Variants in TRPM1 observed in about 807,000 individuals in gnomAD.
TRPM1 encodes the protein TRPM1-203 APA Isoform, Intron 10.
A neutral mutation model predicts 149.4 loss-of-function variants in TRPM1; 113 were observed. That is an observed-to-expected ratio of 0.76 (90% CI 0.65 to 0.88). The LOEUF (loss-of-function observed/expected upper bound fraction) is 0.88, where lower values mean the gene tolerates loss of function less well. Among genes scored for constraint, TRPM1 ranks in the 40% least tolerant of loss-of-function variants. The pLI is 0.00. For missense variants in TRPM1, 1,976 were observed against 2,038.7 expected (o/e 0.97, Z 0.59); for synonymous variants, 741 against 759.5 (o/e 0.98, Z 0.40).
At chr15:31,067,589 G>T (rs866562888) in intron 5 of TRPM1, among the ~76,000 whole-genome samples, 1 of 152,100 alleles carries the variant, frequency 6.6e-6, no homozygotes, top group Non-Finnish European at 1.5e-5. Flanking sequence ...ATTGTCGAGA[G>T]GTCTAATGAA....
chr15:31,144,755 G>A (rs1596100720), intron 1 of TRPM1, among the ~76,000 whole-genome samples: 1 of 115,176 alleles, frequency 8.7e-6, no homozygotes, highest in African/African-American at 3.5e-5. Flanking sequence ...CGCTCTTGTT[G>A]CCCAGGCTGG....
chr15:31,049,381 A>T lies in TRPM1; in HGVS notation c.1566T>A (p.Tyr522Ter), dbSNP rs1485527551. Residue 522 changes from tyrosine to a stop codon, truncating the protein, a stop_gained, in exon 13 of 28, where the codon TAT becomes TAA. Coordinates refer to ENST00000256552, the MANE Select transcript of TRPM1 (RefSeq NM_001252024.2). LOFTEE classifies it high-confidence loss of function. ...FLTIPRLEELYNTRLGPPNTL... is the reference protein window; with the variant it reads ...FLTIPRLEEL ...CTTTTTCTAGAGCACTCACTGTGTT[A>T]TAAAGCTCCTCCAGCCTCGGAATGG... 1 of 1,614,218 alleles carries T rather than the reference A, an allele frequency of 6.2e-7. No individual in the cohort carries two copies. The highest frequency in any genetic ancestry group is 8.5e-7 in the Non-Finnish European group (1 of 1,180,032).
chr15:31,159,186 T>G (rs945184550), intron 1 of TRPM1, among the ~76,000 whole-genome samples: 6 of 152,066 alleles, frequency 3.9e-5, no homozygotes, highest in African/African-American at 1.4e-4. Flanking sequence ...GGAGGTGCTG[T>G]TTTTCAGTCT....
intron 27 of TRPM1, among the ~76,000 whole-genome samples, chr15:31,015,528 G>C (rs2032330271): frequency 1.3e-5 from 2 of 152,086 alleles, no homozygotes; most frequent in African/African-American, 4.8e-5. Context: ...TGCCTCCAAT[G>C]TCTTCTCACT....
At chr15:31,084,052 G>T (rs1448822974) in intron 1 of TRPM1, among the ~76,000 whole-genome samples, 1 of 152,140 alleles carries the variant, frequency 6.6e-6, no homozygotes, top group Admixed American at 6.5e-5. Flanking sequence ...CTGGGCCAGG[G>T]TTCCCTTTCC....
At position 31,029,654 on chromosome 15, in the gene TRPM1, G is replaced by A. The variant is rs189326636; in HGVS notation, c.3128-263C>T. ...ATTTATTTTACCCTGTGTCATAAGC[G>A]AGAGCAAAAGCTCACTAGTTAAAAA... On this transcript the variant is annotated intron_variant, in intron 23 of 27. Coordinates refer to ENST00000256552, the MANE Select transcript of TRPM1 (RefSeq NM_001252024.2). Among the ~76,000 whole-genome samples the A allele has an allele frequency of 4.1e-4, 62 of 152,176 alleles. 1 individual carries two copies. In the Middle Eastern group the frequency reaches 0.014, roughly 33 times the overall value.
At chr15:31,117,596 C>A (rs1313481668) in intron 1 of TRPM1, among the ~76,000 whole-genome samples, 1 of 150,464 alleles carries the variant, frequency 6.6e-6, no homozygotes, top group Non-Finnish European at 1.5e-5. Flanking sequence ...TGCAGTGAGC[C>A]GAGATCACTT....
intron 1 of TRPM1, among the ~76,000 whole-genome samples, chr15:31,135,138 G>C (rs575044151): frequency 8.5e-4 from 129 of 152,272 alleles, no homozygotes; most frequent in African/African-American, 3.1e-3. Flanking sequence ...AACTCATGAA[G>C]GGTGAAGGAG....
intron 11 of TRPM1, among the ~76,000 whole-genome samples, chr15:31,056,382 A>G (rs953487565): frequency 6.6e-6 from 1 of 152,224 alleles, no homozygotes; most frequent in East Asian, 1.9e-4. Context: ...TTCTCTATAC[A>G]CTTCTATTTT....
intron 23 of TRPM1, among the ~76,000 whole-genome samples, chr15:31,030,043 A>G (rs572281817): frequency 6.6e-5 from 10 of 152,304 alleles, no homozygotes; most frequent in African/African-American, 2.2e-4. Flanking sequence ...ACACACTTCA[A>G]TAGTTGACTT....
At chr15:31,068,342 A>C (rs1215862386) in intron 4 of TRPM1, among the ~76,000 whole-genome samples, 3 of 152,184 alleles carry the variant, frequency 2.0e-5, no homozygotes, top group African/African-American at 7.2e-5. Context: ...CCTAAAATTC[A>C]CGTGGAAACC....
intron 1 of TRPM1, among the ~76,000 whole-genome samples, chr15:31,148,407 GC>G (rs1317902273): frequency 2.0e-5 from 3 of 152,208 alleles, no homozygotes; most frequent in African/African-American, 7.2e-5. Context: ...GCTGCACCCT[GC>G]GTTGTGTAGG....
At chr15:31,027,441 T>C (rs1279038355) in intron 25 of TRPM1, among the ~76,000 whole-genome samples, 2 of 152,246 alleles carry the variant, frequency 1.3e-5, no homozygotes, top group South Asian at 2.1e-4. Context: ...ACTAAATGCT[T>C]TCACATGTTT....
In TRPM1 at chr15:31,084,740, C is replaced by G. The variant is rs866978713; in HGVS notation, c.-83-3302G>C. Among the ~76,000 whole-genome samples the G allele has an allele frequency of 3.5e-4, 51 of 146,566 alleles. 2 individuals carry two copies. The Middle Eastern group carries it at 0.011, about 31-fold the overall frequency. The stretch of plus-strand genomic sequence containing the variant: ...CTAGGCTGGAGTGCAGTGGCGCGAT[C>G]TTGGCTCACTGCAAACTCCACCTCC... On this transcript the variant is annotated intron_variant, in intron 1 of 27. Transcript: ENST00000256552.
At chr15:31,085,484 A>G (rs926935261) in intron 1 of TRPM1, among the ~76,000 whole-genome samples, 7 of 152,222 alleles carry the variant, frequency 4.6e-5, no homozygotes, top group East Asian at 1.9e-4. Context: ...GATTTTGTCA[A>G]CATTGTCGGG....
intron 17 of TRPM1, among the ~76,000 whole-genome samples, chr15:31,041,586 G>C (rs896824771): frequency 2.0e-5 from 3 of 152,192 alleles, no homozygotes; most frequent in Admixed American, 2.0e-4. Flanking sequence ...AAACACCTGT[G>C]AAGGTCACAG....
At chr15:31,012,017 T>C (rs2032203716) in intron 27 of TRPM1, among the ~76,000 whole-genome samples, 1 of 152,156 alleles carries the variant, frequency 6.6e-6, no homozygotes, top group South Asian at 2.1e-4. Context: ...TAAAGCTCCA[T>C]CCTCCCCCCA....
intron 3 of TRPM1, among the ~76,000 whole-genome samples, chr15:31,075,284 A>T (rs1011953773): frequency 6.6e-6 from 1 of 152,166 alleles, no homozygotes; most frequent in Non-Finnish European, 1.5e-5. Flanking sequence ...GAAGTCTCCA[A>T]CTGTCATGTT....
At chr15:31,126,815 G>C (rs2035957243) in intron 1 of TRPM1, among the ~76,000 whole-genome samples, 1 of 152,104 alleles carries the variant, frequency 6.6e-6, no homozygotes, top group African/African-American at 2.4e-5. Context: ...GGAAATACAA[G>C]AGTTAGCCAG....
Sources: gnomAD v4.1 joint callset for allele counts (sites outside exome capture counted in the v4.1 genomes callset) on GRCh38, gnomAD v4.1.1 for gene constraint, MANE v1.5 for transcripts, NCBI Gene and HGNC (gene_info 2026-07-23, HGNC 2026-07-21) for gene names.